TGFBR2: variants seen among roughly 807,000 people sequenced by gnomAD.
TGFBR2 encodes the protein TGF-beta receptor type-2.
Under a neutral mutation model 49.0 loss-of-function variants are expected in TGFBR2, and 18 were observed. That is an observed-to-expected ratio of 0.37 (90% confidence interval 0.25 to 0.54). The LOEUF (loss-of-function observed/expected upper bound fraction) is 0.54. Ranked by LOEUF, TGFBR2 falls within the 20% of genes least tolerant of loss-of-function variation. The probability of loss-of-function intolerance (pLI) is 0.85; values close to 1 mark genes in which losing one functional copy is unlikely to be tolerated. For missense variants in TGFBR2, 525 were observed against 722.6 expected (o/e 0.73, Z 3.13); for synonymous variants, 282 against 275.9 (o/e 1.02, Z -0.22).
chr3:30,649,268 A>G (rs1196028648), intron 2 of TGFBR2, among the ~76,000 whole-genome samples: 1 of 152,222 alleles, frequency 6.6e-6, no homozygotes, highest in Non-Finnish European at 1.5e-5. Context: ...CTTGTTGGAC[A>G]GTCATCCAAG....
chr3:30,679,205 C>A (rs776273785), intron 5 of TGFBR2, among the ~76,000 whole-genome samples: 2 of 152,124 alleles, frequency 1.3e-5, no homozygotes, highest in Non-Finnish European at 2.9e-5. Flanking sequence ...GAAGGGAAGG[C>A]AGTGAGCTCA....
chr3:30,650,244 G>T (rs369928049), intron 2 of TGFBR2, 26 bp from the exon 3 acceptor site: 1 of 1,609,196 alleles, frequency 6.2e-7, no homozygotes, highest in South Asian at 1.1e-5. Context: ...CTCTCCCCTC[G>T]CTTCCAATGA....
At chr3:30,636,867 A>C (rs542042858) in intron 1 of TGFBR2, among the ~76,000 whole-genome samples, 3 of 151,988 alleles carry the variant, frequency 2.0e-5, no homozygotes, top group Non-Finnish European at 2.9e-5. Context: ...GATCGAGACC[A>C]TCCTGGCTAA....
At chr3:30,643,119 A>G (rs1698673660) in intron 1 of TGFBR2, among the ~76,000 whole-genome samples, 1 of 152,228 alleles carries the variant, frequency 6.6e-6, no homozygotes, top group African/African-American at 2.4e-5. Flanking sequence ...TATCTATGAC[A>G]GAATCCTAAA....
intron 3 of TGFBR2, among the ~76,000 whole-genome samples, chr3:30,661,224 A>G (rs904226550): frequency 2.6e-5 from 4 of 152,194 alleles, no homozygotes; most frequent in African/African-American, 7.2e-5. Flanking sequence ...TAGTAGTCAG[A>G]AAACTGCAAT....
chr3:30,674,822 T>C lies in TGFBR2; in HGVS notation c.1396+576T>C, dbSNP rs998559302. ...CAAGACTGATTAGGAGACCTACTTT[T>C]CTCCTGAAAAGCTGGCTTGCTCTTT... On this transcript the variant is annotated intron_variant, in intron 5 of 6. Transcript: ENST00000295754. 1.4e-4 allele frequency among the ~76,000 whole-genome samples: 21 copies of C among 152,098 alleles called. 1 individual carries two copies.
intron 1 of TGFBR2, among the ~76,000 whole-genome samples, chr3:30,609,273 C>A (rs546559178): frequency 5.9e-5 from 9 of 152,292 alleles, no homozygotes; most frequent in Non-Finnish European, 1.2e-4. Flanking sequence ...CCTAATTCTA[C>A]TTACATTTTA....
chr3:30,664,808 AT>A (rs1412019507), intron 3 of TGFBR2, among the ~76,000 whole-genome samples: 1 of 152,272 alleles, frequency 6.6e-6, no homozygotes, highest in African/African-American at 2.4e-5. Flanking sequence ...GGTTAAAAAA[AT>A]AAAAGCATTA....
At chr3:30,670,164 C>T (rs1699314168) in intron 3 of TGFBR2, among the ~76,000 whole-genome samples, 1 of 152,124 alleles carries the variant, frequency 6.6e-6, no homozygotes, top group Non-Finnish European at 1.5e-5. Flanking sequence ...ATTCTTTCTC[C>T]TTAACATAGC....
intron 1 of TGFBR2, among the ~76,000 whole-genome samples, chr3:30,608,978 T>TAAC: frequency 2.0e-5 from 3 of 152,318 alleles, no homozygotes; most frequent in Admixed American, 2.0e-4. Flanking sequence ...TTAGGTTCTG[T>TAAC]TTACAAGGAT....
In TGFBR2 at chr3:30,688,391, A is replaced by G. The variant is rs2125451598; in HGVS notation, c.1404A>G (p.Lys468=). ...TSRCNAVGEV[K]DYEPPFGSKV... The stretch of plus-strand genomic sequence containing the variant: ...TGCTGGCTTTCTTCACAGAAGTAAA[A>G]GATTATGAGCCTCCATTTGGTTCCA... The change falls in exon 6 of 7, where the codon AAA becomes AAG. Residue 468 remains lysine, a synonymous_variant. Coordinates refer to ENST00000295754, the MANE Select transcript of TGFBR2 (RefSeq NM_003242.6). The G allele has an allele frequency of 6.2e-7, 1 of 1,614,172 alleles. No individual in the cohort carries two copies. Among genetic ancestry groups the G allele is most frequent in the South Asian group, 1.1e-5 (1 of 91,086 alleles).
At chr3:30,621,144 C>A (rs2125451725) in intron 1 of TGFBR2, among the ~76,000 whole-genome samples, 1 of 152,298 alleles carries the variant, frequency 6.6e-6, no homozygotes, top group South Asian at 2.1e-4. Flanking sequence ...TCAGCCAGAT[C>A]ATCACCCATG....
At chr3:30,649,742 A>G (rs1291662847) in intron 2 of TGFBR2, among the ~76,000 whole-genome samples, 1 of 152,084 alleles carries the variant, frequency 6.6e-6, no homozygotes, top group Non-Finnish European at 1.5e-5. Context: ...TACCCTTTAC[A>G]CGCAATGCTC....
intron 1 of TGFBR2, among the ~76,000 whole-genome samples, chr3:30,641,481 C>T (rs1313757706): frequency 6.6e-6 from 1 of 152,040 alleles, no homozygotes; most frequent in East Asian, 1.9e-4. Context: ...AATAGGGAGT[C>T]GATGGCTGGT....
intron 1 of TGFBR2, among the ~76,000 whole-genome samples, chr3:30,623,770 A>G (rs1051733041): frequency 6.6e-6 from 1 of 152,224 alleles, no homozygotes; most frequent in Non-Finnish European, 1.5e-5. Flanking sequence ...CTTCTTCATC[A>G]TATAGACATA....
intron 5 of TGFBR2, 134 bp downstream of exon 5, chr3:30,674,380 C>T (rs1699396753): frequency 3.3e-6 from 4 of 1,224,524 alleles, no homozygotes; most frequent in East Asian, 2.4e-5. Context: ...ATACAACCAT[C>T]CCAGAACTAT....
intron 1 of TGFBR2, among the ~76,000 whole-genome samples, chr3:30,633,434 C>A (rs977120442): frequency 6.6e-6 from 1 of 152,204 alleles, no homozygotes; most frequent in Non-Finnish European, 1.5e-5. Flanking sequence ...GAATTACATG[C>A]ATGTTAAAAA....
At chr3:30,675,833 A>T (rs1699429989) in intron 5 of TGFBR2, among the ~76,000 whole-genome samples, 1 of 152,242 alleles carries the variant, frequency 6.6e-6, no homozygotes, top group African/African-American at 2.4e-5. Context: ...AAAACAGCAA[A>T]TTAACCTGGA....
In TGFBR2 at chr3:30,672,308, C is replaced by T. The variant is rs751663055; in HGVS notation, c.1125C>T (p.Ile375=). The part of the protein sequence containing the change: ...HTPCGRPKMP[I]VHRDLKSSNI... ...CATGTGGGAGGCCCAAGATGCCCAT[C>T]GTGCACAGGGACCTCAAGAGCTCCA... is the stretch of plus-strand genomic sequence containing the variant. The change falls in exon 4 of 7, where the codon ATC becomes ATT. Residue 375 remains isoleucine, a synonymous_variant. Coordinates refer to ENST00000295754, the MANE Select transcript of TGFBR2 (RefSeq NM_003242.6). The surrounding 1 kb of genome is among the most constrained non-coding windows in gnomAD (Gnocchi z 4.5). 7.3e-5 allele frequency: 118 copies of T among 1,609,254 alleles called. 1 individual carries two copies. Among genetic ancestry groups the T allele is most frequent in the South Asian group, 1.7e-4 (15 of 90,432 alleles).
Sources: allele counts gnomAD v4.1 joint callset (sites outside exome capture counted in the v4.1 genomes callset), GRCh38; gene constraint gnomAD v4.1.1; non-coding constraint Gnocchi (gnomAD v3.1); transcripts MANE v1.5; gene names NCBI Gene and HGNC (gene_info 2026-07-23, HGNC 2026-07-21).